RP1: variants seen among roughly 807,000 people sequenced by gnomAD.
RP1 encodes the protein oxygen-regulated protein 1.
Under a neutral mutation model 14.8 loss-of-function variants are expected in RP1, and 16 were observed. The ratio of observed to expected loss-of-function variants is 1.08; its 90% CI spans 0.73 to 1.65. RP1 has a LOEUF of 1.65. RP1 is among the 40% of genes most tolerant of loss of function. The pLI is 0.00. For synonymous variants in RP1, 876 were observed against 883.6 expected, an observed-to-expected ratio of 0.99 and a Z score of 0.15; for missense variants, 2,631 against 2,535.0, an observed-to-expected ratio of 1.04 and a Z score of -0.81.
chr8:54,734,461 A>G, intron 17 of RP1: 2 of 1,323,508 alleles, frequency 1.5e-6, no homozygotes, highest in Non-Finnish European at 2.0e-6. Context: ...CCCAGTTTTC[A>G]TGTCCTTTGG....
intron 16 of RP1, among the ~76,000 whole-genome samples, chr8:54,723,168 T>C (rs575882573): frequency 2.0e-5 from 3 of 152,288 alleles, no homozygotes; most frequent in African/African-American, 7.2e-5. Flanking sequence ...CTTCCCTCAG[T>C]TGTGGTGTGA....
intron 24 of RP1, among the ~76,000 whole-genome samples, chr8:54,819,080 CTTTTT>C (rs1219894418): frequency 6.6e-6 from 1 of 152,006 alleles, no homozygotes; most frequent in Non-Finnish European, 1.5e-5. Context: ...TCTCTTCCTC[CTTTTT>C]AAGACCAATA....
At chr8:54,817,949 T>C (rs1036503039) in intron 24 of RP1, among the ~76,000 whole-genome samples, 1 of 152,220 alleles carries the variant, frequency 6.6e-6, no homozygotes, top group Non-Finnish European at 1.5e-5. Flanking sequence ...AAAGCATAAC[T>C]GGGAAATGTG....
chr8:54,584,629 G>A (rs949330401), intron 1 of RP1, among the ~76,000 whole-genome samples: 2 of 152,020 alleles, frequency 1.3e-5, no homozygotes, highest in Non-Finnish European at 2.9e-5. Flanking sequence ...TTATTGTGTG[G>A]GTGTCTAAGT....
At chr8:54,689,854 C>A (rs1209639044) in intron 12 of RP1, among the ~76,000 whole-genome samples, 3 of 151,974 alleles carry the variant, frequency 2.0e-5, no homozygotes, top group Non-Finnish European at 4.4e-5. Flanking sequence ...GTTATACAGT[C>A]ACCATATCTC....
At chr8:54,852,118 T>G (rs1279967622) in intron 25 of RP1, among the ~76,000 whole-genome samples, 5 of 152,184 alleles carry the variant, frequency 3.3e-5, no homozygotes, top group Admixed American at 2.0e-4. Flanking sequence ...GATCTTTGTT[T>G]TTTTTTCTCC....
At chr8:54,799,445 G>A (rs1000737889) in intron 24 of RP1, among the ~76,000 whole-genome samples, 4 of 151,888 alleles carry the variant, frequency 2.6e-5, no homozygotes, top group Non-Finnish European at 4.4e-5. Flanking sequence ...CTACCTGGCA[G>A]CCTGTCATTT....
rs563210731 is a variant in RP1, at chr8:54,751,460, C to G, written c.2809-3343C>G. Reference sequence around the variant, plus strand: ...ACATTTAATCTTTGATTTAACTCACCATTACAAGACTGCTGTTGCTCACTG... The same window carrying G: ...ACATTTAATCTTTGATTTAACTCACGATTACAAGACTGCTGTTGCTCACTG... On this transcript the variant is annotated intron_variant, in intron 19 of 22. Coordinates refer to the RP1 transcript ENST00000636932. Among the ~76,000 whole-genome samples, 18 of 152,262 alleles carry G rather than the reference C, an allele frequency of 1.2e-4. No individual in the cohort carries two copies. In the East Asian group the frequency reaches 3.3e-3, roughly 28 times the overall value.
chr8:54,862,797 A>G (rs57064071), intron 27 of RP1, among the ~76,000 whole-genome samples: 1 of 152,048 alleles, frequency 6.6e-6, no homozygotes. Context: ...CTGAGAAACT[A>G]GTCACATAGT....
chr8:54,808,887 C>A (rs998273653), intron 24 of RP1, among the ~76,000 whole-genome samples: 4 of 152,154 alleles, frequency 2.6e-5, no homozygotes, highest in Non-Finnish European at 5.9e-5. Flanking sequence ...CTTCACAGAG[C>A]CCACTGAGGT....
Position 54,734,443 on chromosome 8 carries a change from C to T in RP1, c.2522-102C>T, listed in dbSNP as rs1694841226. 14 of 1,130,362 alleles carry T rather than the reference C, an allele frequency of 1.2e-5. No homozygotes were observed. The South Asian group carries it at 1.4e-4, about 12-fold the overall frequency. 70.0% of individuals were successfully genotyped at this position (1,130,362 alleles called of 1,614,324 possible). On this transcript the variant is annotated intron_variant, in intron 17 of 22. Coordinates refer to the RP1 transcript ENST00000636932. Reference sequence around the variant, plus strand: ...TGCAGTGCCTCCTGCTTGCTTCACCCTACCCTGCCCAGTTTTCATGTCCTT... The same window carrying T: ...TGCAGTGCCTCCTGCTTGCTTCACCTTACCCTGCCCAGTTTTCATGTCCTT...
chr8:54,624,691 G>A lies in RP1; in HGVS notation c.809G>A (p.Ser270Asn), dbSNP rs746650875. ...AAAGTAAGCACACATATGTCTTCAAGCTCAAGGTCCCAGATTTATTCTGTT... is the reference window on the plus strand; with the variant it reads ...AAAGTAAGCACACATATGTCTTCAAACTCAAGGTCCCAGATTTATTCTGTT... ...SRKISTHMSS[S>N]SRSQIYSVSS... The change falls in exon 4 of 4, where the codon AGC (serine) becomes AAC (asparagine). Residue 270 changes from serine (S) to asparagine (N), a missense_variant. Transcript: ENST00000220676. 1 of 1,613,676 alleles carries A rather than the reference G, an allele frequency of 6.2e-7. No individual in the cohort carries two copies. Among genetic ancestry groups the A allele is most frequent in the African/African-American group, 1.3e-5 (1 of 74,858 alleles).
intron 23 of RP1, among the ~76,000 whole-genome samples, chr8:54,777,177 C>T (rs1585683137): frequency 6.6e-6 from 1 of 152,178 alleles, no homozygotes; most frequent in Non-Finnish European, 1.5e-5. Context: ...CCTAATATAT[C>T]TTATGTATCC....
chr8:54,810,170 T>C (rs1250255416), intron 24 of RP1, among the ~76,000 whole-genome samples: 1 of 152,172 alleles, frequency 6.6e-6, no homozygotes, highest in Non-Finnish European at 1.5e-5. Flanking sequence ...CATGAACTTA[T>C]TTTAGAATAA....
chr8:54,678,317 T>G, intron 8 of RP1: 1 of 559,344 alleles, frequency 1.8e-6, no homozygotes, highest in Non-Finnish European at 3.0e-6. Flanking sequence ...TTCTGTTATA[T>G]TTTGCTTTAT....
At chr8:54,657,260 A>G (rs1457838941) in intron 6 of RP1, among the ~76,000 whole-genome samples, 4 of 152,192 alleles carry the variant, frequency 2.6e-5, no homozygotes, top group Non-Finnish European at 5.9e-5. Context: ...ACCCATTGTT[A>G]GTAACAATGC....
intron 7 of RP1, chr8:54,673,739 C>G (rs1585596739): frequency 1.2e-6 from 1 of 827,332 alleles, no homozygotes; most frequent in South Asian, 1.7e-5. Flanking sequence ...GAGCCTGTCT[C>G]AAAACAACAA....
At chr8:54,786,865 G>T (rs1360077470) in intron 24 of RP1, among the ~76,000 whole-genome samples, 1 of 152,120 alleles carries the variant, frequency 6.6e-6, no homozygotes, top group Non-Finnish European at 1.5e-5. Context: ...TGGATTTGAG[G>T]CTATGTCATG....
intron 3 of RP1, among the ~76,000 whole-genome samples, chr8:54,641,328 T>C (rs967357230): frequency 1.3e-5 from 2 of 152,164 alleles, no homozygotes; most frequent in Non-Finnish European, 2.9e-5. Context: ...TTCTTTTTAT[T>C]GTTATGTATA....
Sources: allele counts gnomAD v4.1 joint callset (sites outside exome capture counted in the v4.1 genomes callset), GRCh38; gene constraint gnomAD v4.1.1; transcripts MANE v1.5; gene names NCBI Gene and HGNC (gene_info 2026-07-23, HGNC 2026-07-21).